The following OR10G8 variants were observed in gnomAD, a reference collection of about 807,000 sequenced individuals.
OR10G8 encodes olfactory receptor family 10 subfamily G member 8.
For synonymous variants in OR10G8, 173 were observed against 163.2 expected (o/e 1.06, Z -0.46); for missense variants, 386 against 384.9 (o/e 1.00, Z -0.02).
chr11:124,030,594 A>C lies in OR10G8; in HGVS notation c.*36A>C, dbSNP rs139257362. 1.5e-5 allele frequency: 22 copies of C among 1,493,384 alleles called. No individual in the cohort carries two copies. The African/African-American group carries it at 2.9e-4, about 20-fold the overall frequency. 92.5% of individuals were successfully genotyped at this position (1,493,384 alleles called of 1,614,324 possible). On this transcript the variant is annotated 3_prime_UTR_variant, in exon 2 of 2. Transcript: ENST00000641224. ...AGATTACATATCTTAGCTCTTGTGA[A>C]TAGTGCTGTGAAAAACATACAGGGG...
At chr11:124,029,459 A>G (rs773625996) in intron 1 of OR10G8, 137 bp from the exon 2 acceptor site, 2 of 759,186 alleles carry the variant, frequency 2.6e-6, no homozygotes, top group Middle Eastern at 3.1e-4. Flanking sequence ...TCATTAGTTT[A>G]TGAAGGAAGC....
chr11:124,029,626 T>A lies in OR10G8; in HGVS notation c.4T>A (p.Ser2Thr), dbSNP rs1241300125. 1 of 1,613,036 alleles carries A rather than the reference T, an allele frequency of 6.2e-7. No individual in the cohort carries two copies. Among genetic ancestry groups the A allele is most frequent in the African/African-American group, 1.3e-5 (1 of 74,912 alleles). The change falls in exon 2 of 2, where the codon TCC becomes ACC. Residue 2 changes from serine (S) to threonine (T), a missense_variant. Transcript: ENST00000641224. M[S>T]NASLLTAFIL... ...GAGAGACCAAGGGTGAGAAGAAATGTCCAACGCCAGCCTACTGACAGCGTT... is the reference window on the plus strand; with the variant it reads ...GAGAGACCAAGGGTGAGAAGAAATGACCAACGCCAGCCTACTGACAGCGTT...
In OR10G8 at chr11:124,029,839, A is replaced by C. The variant is rs556881585; in HGVS notation, c.217A>C (p.Thr73Pro). The C allele has an allele frequency of 1.2e-6, 2 of 1,614,058 alleles. No homozygotes were observed. The highest frequency in any genetic ancestry group is 4.5e-5 in the East Asian group (2 of 44,864). Residue 73 changes from threonine to proline, a missense_variant, in exon 2 of 2, where the codon ACT (threonine) becomes CCT (proline). Physicochemically the swap from Thr to Pro is conservative, Grantham distance 38. Transcript: ENST00000641224. ...GTCGTTCATTGACATGTGGTTCTCC[A>C]CTGTCACGGTGCCCAAATTGCTGAT... ...NLSFIDMWFSTVTVPKLLMTL... is the reference protein window; with the variant it reads ...NLSFIDMWFSPVTVPKLLMTL...
rs753794366 is a variant in OR10G8 at position 124,029,612 on chromosome 11, G to C, written c.-11G>C. ...TATTCCCAGAGGGAGAGAGACCAAGGGTGAGAAGAAATGTCCAACGCCAGC... is the reference window on the plus strand; with the variant it reads ...TATTCCCAGAGGGAGAGAGACCAAGCGTGAGAAGAAATGTCCAACGCCAGC... On this transcript the variant is annotated 5_prime_UTR_variant, in exon 2 of 2. Transcript: ENST00000641224. The C allele has an allele frequency of 1.9e-6, 3 of 1,611,184 alleles. No homozygotes were observed. Among genetic ancestry groups the C allele is most frequent in the Admixed American group, 1.7e-5 (1 of 59,936 alleles).
Position 124,029,784 on chromosome 11 carries a change from C to T in OR10G8, c.162C>T (p.His54=), listed in dbSNP as rs1407541660. Residue 54 remains histidine (H), a synonymous_variant, in exon 2 of 2, where the codon CAC becomes CAT. Transcript: ENST00000641224. ...TGATCAGGGTGGATTCTCACCTCCA[C>T]ACCACCATGTACTACTTCCTCACCA... The part of the protein sequence containing the change: ...LLVIRVDSHL[H]TTMYYFLTNL... 3 of 1,614,102 alleles carry T rather than the reference C, an allele frequency of 1.9e-6. No individual in the cohort carries two copies. The highest frequency in any genetic ancestry group is 2.5e-6 in the Non-Finnish European group (3 of 1,179,982).
At chr11:124,029,544 A>G in intron 1 of OR10G8, 52 bp from the exon 2 acceptor site, 1 of 1,461,030 alleles carries the variant, frequency 6.8e-7, no homozygotes, top group Non-Finnish European at 9.4e-7. Flanking sequence ...CAGAGAATGG[A>G]TTCTCATTTC....
intron 1 of OR10G8, among the ~76,000 whole-genome samples, chr11:124,029,178 A>G (rs889116078): frequency 1.3e-5 from 2 of 152,174 alleles, no homozygotes; most frequent in African/African-American, 4.8e-5. Context: ...CGTGCCAACA[A>G]CCACAAGAAG....
intron 1 of OR10G8, among the ~76,000 whole-genome samples, chr11:124,029,358 T>C (rs189082560): frequency 6.6e-6 from 1 of 152,096 alleles, no homozygotes; most frequent in Non-Finnish European, 1.5e-5. Context: ...TATACACCTA[T>C]TAAAATCTAA....
chr11:124,030,486 C>A lies in OR10G8; in HGVS notation c.864C>A (p.Thr288=). ...CCCTTCTCAACCCTGTTGTGTACAC[C>A]CTGAGGAACAAGGAGGTGAAGAAAG... ...LTPLLNPVVY[T]LRNKEVKKAL... The change falls in exon 2 of 2, where the codon ACC becomes ACA. Residue 288 remains threonine (T), a synonymous_variant. Transcript: ENST00000641224. 1 of 1,612,434 alleles carries A rather than the reference C, an allele frequency of 6.2e-7. No homozygotes were observed. The highest frequency in any genetic ancestry group is 8.5e-7 in the Non-Finnish European group (1 of 1,179,626).
In OR10G8 at chr11:124,030,320, A is replaced by G. The variant is rs148074790; in HGVS notation, c.698A>G (p.Lys233Arg). 1,196 of 1,614,014 alleles carry G rather than the reference A, an allele frequency of 7.4e-4. 1 individual carries two copies. The highest frequency in any genetic ancestry group is 9.9e-4 in the Middle Eastern group (6 of 6,062). ...CTGCGGATCCGCACCTCAGAGGGGA[A>G]GCACAGAGCCTTTCAGACCTGTGCC... ...SILRIRTSEG[K>R]HRAFQTCASH... is the part of the protein sequence containing the mutation. The change falls in exon 2 of 2, where the codon AAG becomes AGG. Residue 233 changes from lysine to arginine, a missense_variant. Transcript: ENST00000641224.
At position 124,030,202 on chromosome 11, in the gene OR10G8, A is replaced by T. The variant is rs914137703; in HGVS notation, c.580A>T (p.Ile194Leu). ...LKLACADTSA[I>L]ETVIFVTVGI... ...ACTGGCCTGTGCAGACACCTCAGCC[A>T]TAGAGACTGTCATTTTTGTGACTGT... Residue 194 changes from isoleucine to leucine, a missense_variant, in exon 2 of 2, where the codon ATA becomes TTA. By Grantham distance (5) the Ile-to-Leu change is conservative. Coordinates refer to ENST00000641224, the MANE Select transcript of OR10G8 (RefSeq NM_001004464.2). 39 of 1,614,116 alleles carry T rather than the reference A, an allele frequency of 2.4e-5. No homozygotes were observed. The highest frequency in any genetic ancestry group is 3.1e-5 in the Non-Finnish European group (37 of 1,179,954).
chr11:124,029,053 A>G (rs1207423898), intron 1 of OR10G8, among the ~76,000 whole-genome samples: 2 of 152,170 alleles, frequency 1.3e-5, no homozygotes, highest in African/African-American at 4.8e-5. Flanking sequence ...AAGAAGGCCA[A>G]GTAGCTAGGA....
intron 1 of OR10G8, among the ~76,000 whole-genome samples, chr11:124,027,676 T>C (rs907321859): frequency 1.3e-5 from 2 of 152,228 alleles, no homozygotes; most frequent in South Asian, 2.1e-4. Flanking sequence ...ATGTTGGTGA[T>C]TGCAGTAATC....
chr11:124,030,065 G>A lies in OR10G8; in HGVS notation c.443G>A (p.Trp148Ter), dbSNP rs1256885981. 1 of 1,614,054 alleles carries A rather than the reference G, an allele frequency of 6.2e-7. No individual in the cohort carries two copies. Among genetic ancestry groups the A allele is most frequent in the South Asian group, 1.1e-5 (1 of 91,078 alleles). ...TGTACTCTTCTGGCCACCAGCACTT[G>A]GCTCAGTGGCTCTCTGCACTCTGCT... ...RSCTLLATST[W>*]LSGSLHSAVQ... Residue 148 changes from tryptophan to a stop codon, truncating the protein, a stop_gained, in exon 2 of 2, where the codon TGG becomes TAG. Transcript: ENST00000641224. LOFTEE classifies it low-confidence loss of function (END_TRUNC).
At chr11:124,028,716 A>C (rs1864126716) in intron 1 of OR10G8, among the ~76,000 whole-genome samples, 1 of 152,178 alleles carries the variant, frequency 6.6e-6, no homozygotes, top group African/African-American at 2.4e-5. Context: ...CATATGAGGA[A>C]ACTAGAAAAT....
chr11:124,029,190 T>C (rs1185161478), intron 1 of OR10G8, among the ~76,000 whole-genome samples: 1 of 152,054 alleles, frequency 6.6e-6, no homozygotes, highest in Non-Finnish European at 1.5e-5. Context: ...CACAAGAAGC[T>C]TGGAGAATGA....
chr11:124,028,223 A>G (rs535268763), intron 1 of OR10G8, among the ~76,000 whole-genome samples: 242 of 152,356 alleles, frequency 1.6e-3, no homozygotes, highest in Non-Finnish European at 2.7e-3. Flanking sequence ...GGGAGAGCAC[A>G]TATGAATGCC....
chr11:124,029,795 A>C lies in OR10G8; in HGVS notation c.173A>C (p.Tyr58Ser). ...RVDSHLHTTM[Y>S]YFLTNLSFID... Reference sequence around the variant, plus strand: ...GATTCTCACCTCCACACCACCATGTACTACTTCCTCACCAACCTGTCGTTC... The same window carrying C: ...GATTCTCACCTCCACACCACCATGTCCTACTTCCTCACCAACCTGTCGTTC... Residue 58 changes from tyrosine (Y) to serine (S), a missense_variant, in exon 2 of 2, where the codon TAC (tyrosine) becomes TCC (serine). Physicochemically the swap from Tyr to Ser is moderately radical, Grantham distance 144. Coordinates refer to ENST00000641224, the MANE Select transcript of OR10G8 (RefSeq NM_001004464.2). 1 of 1,614,056 alleles carries C rather than the reference A, an allele frequency of 6.2e-7. No homozygotes were observed. The highest frequency in any genetic ancestry group is 1.1e-5 in the South Asian group (1 of 91,070).
Position 124,029,942 on chromosome 11 carries a change from G to A in OR10G8, c.320G>A (p.Gly107Glu), listed in dbSNP as rs765553443. 1.2e-6 allele frequency: 2 copies of A among 1,614,024 alleles called. No individual in the cohort carries two copies. The highest frequency in any genetic ancestry group is 1.3e-5 in the African/African-American group (1 of 75,010). ...MAQLYFFHFLGGTECFLYRVM... is the reference protein window; with the variant it reads ...MAQLYFFHFLEGTECFLYRVM... ...CAGCTCTATTTCTTTCACTTCCTAG[G>A]GGGCACCGAGTGTTTCCTCTACAGG... Residue 107 changes from glycine (G) to glutamate (E), a missense_variant, in exon 2 of 2, where the codon GGG becomes GAG. By Grantham distance (98) the Gly-to-Glu change is moderately conservative (BLOSUM62 -2). Transcript: ENST00000641224.
Sources: allele counts gnomAD v4.1 joint callset (sites outside exome capture counted in the v4.1 genomes callset), GRCh38; gene constraint gnomAD v4.1.1; transcripts MANE v1.5; gene names NCBI Gene and HGNC (gene_info 2026-07-23, HGNC 2026-07-21).